The following CCDC191 variants were observed in gnomAD, a reference collection of about 807,000 sequenced individuals.
CCDC191 encodes the protein coiled-coil domain-containing protein 191.
A neutral mutation model predicts 114.0 loss-of-function variants in CCDC191; 99 were observed. That is an observed-to-expected ratio of 0.87 (90% confidence interval 0.74 to 1.03). CCDC191 has a LOEUF of 1.03. Ranked by LOEUF, CCDC191 falls within the 50% of genes least tolerant of loss-of-function variation. The pLI is 0.00. For missense variants in CCDC191, 973 were observed against 1,087.0 expected, an observed-to-expected ratio of 0.90 and a Z score of 1.47; for synonymous variants, 351 against 376.0, an observed-to-expected ratio of 0.93 and a Z score of 0.77.
chr3:113,978,499 A>G (rs1367259279), intron 15 of CCDC191, 168 bp from the exon 16 acceptor site: 4 of 681,360 alleles, frequency 5.9e-6, no homozygotes, highest in Non-Finnish European at 9.6e-6. Context: ...TCTATAATGT[A>G]TCCTAAAAAT....
chr3:113,985,835 C>T (rs1466421789), intron 13 of CCDC191, among the ~76,000 whole-genome samples: 3 of 152,166 alleles, frequency 2.0e-5, no homozygotes, highest in Non-Finnish European at 4.4e-5. Context: ...AGCCCAATTC[C>T]CGGCTAAATT....
intron 13 of CCDC191, among the ~76,000 whole-genome samples, chr3:114,000,022 T>C (rs148262017): frequency 6.6e-6 from 1 of 152,314 alleles, no homozygotes; most frequent in Non-Finnish European, 1.5e-5. Flanking sequence ...GCAGATTAAC[T>C]ACGGTTTAAG....
At chr3:113,976,419 C>CT (rs1421790814) in intron 16 of CCDC191, among the ~76,000 whole-genome samples, 1 of 151,912 alleles carries the variant, frequency 6.6e-6, no homozygotes, top group Admixed American at 6.6e-5. Context: ...ATCTTTATAC[C>CT]TTGACAATTC....
intron 13 of CCDC191, among the ~76,000 whole-genome samples, chr3:113,991,884 T>C (rs2075578329): frequency 1.3e-5 from 2 of 152,082 alleles, no homozygotes; most frequent in Admixed American, 1.3e-4. Context: ...AAATGGAATA[T>C]GAAAGTTTAA....
intron 13 of CCDC191, among the ~76,000 whole-genome samples, chr3:113,986,722 G>T (rs867441552): frequency 6.6e-6 from 1 of 152,112 alleles, no homozygotes; most frequent in South Asian, 2.1e-4. Context: ...TGGGGTCCTA[G>T]GGTGCAGCCC....
chr3:113,988,870 T>C (rs562105809), intron 13 of CCDC191, among the ~76,000 whole-genome samples: 2 of 152,108 alleles, frequency 1.3e-5, no homozygotes, highest in South Asian at 4.2e-4. Context: ...CTCGGCTCAC[T>C]GCAAGCTCCG....
chr3:114,009,533 A>G (rs1328056656), intron 9 of CCDC191, among the ~76,000 whole-genome samples: 1 of 152,182 alleles, frequency 6.6e-6, no homozygotes, highest in East Asian at 1.9e-4. Flanking sequence ...AAGATCATCA[A>G]GAAGTCACTA....
intron 1 of CCDC191, among the ~76,000 whole-genome samples, chr3:114,054,827 A>C (rs1280849338): frequency 6.6e-6 from 1 of 152,168 alleles, no homozygotes; most frequent in Non-Finnish European, 1.5e-5. Context: ...AAACTCCCAG[A>C]AGCTTGCAGA....
At chr3:114,021,800 C>A (rs997812862) in intron 7 of CCDC191, among the ~76,000 whole-genome samples, 4 of 152,036 alleles carry the variant, frequency 2.6e-5, no homozygotes, top group Non-Finnish European at 5.9e-5. Flanking sequence ...GATTTAAAAC[C>A]ACAACTGGGT....
chr3:114,003,730 C>A (rs954722717), intron 11 of CCDC191: 13 of 985,236 alleles, frequency 1.3e-5, no homozygotes, highest in Non-Finnish European at 1.6e-5. Context: ...GCAAAGACTG[C>A]CAATTTCTTC....
chr3:114,006,482 T>C (rs911880256), intron 9 of CCDC191, among the ~76,000 whole-genome samples: 1 of 151,008 alleles, frequency 6.6e-6, no homozygotes, highest in Non-Finnish European at 1.5e-5. Flanking sequence ...TGGCTACAGC[T>C]GTATGAACCA....
At chr3:113,971,652 TG>T (rs1940832678) in intron 16 of CCDC191, among the ~76,000 whole-genome samples, 1 of 152,188 alleles carries the variant, frequency 6.6e-6, no homozygotes, top group Non-Finnish European at 1.5e-5. Flanking sequence ...ATCATGTCCT[TG>T]TTTGGTTTTG....
intron 13 of CCDC191, among the ~76,000 whole-genome samples, chr3:113,981,539 A>G (rs1472826035): frequency 6.6e-6 from 1 of 152,220 alleles, no homozygotes; most frequent in Non-Finnish European, 1.5e-5. Flanking sequence ...ACCTGCAGTG[A>G]AAGACACAAG....
chr3:114,002,996 A>G (rs1204006101), intron 11 of CCDC191: 1 of 985,168 alleles, frequency 1.0e-6, no homozygotes, highest in African/African-American at 1.7e-5. Flanking sequence ...ATGTCTGTAT[A>G]TATAAGAATA....
Position 114,036,719 on chromosome 3 carries a change from G to A in CCDC191, c.483C>T (p.Leu161=), listed in dbSNP as rs367564103. 6.3e-7 allele frequency: 1 copy of A among 1,593,720 alleles called. No individual in the cohort carries two copies. The highest frequency in any genetic ancestry group is 1.7e-5 in the Admixed American group (1 of 58,518). The part of the protein sequence containing the change: ...TTVQKFIDHL[L]HKNVVDSAMM... ...TTGCAGAATCTACCACATTTTTATGGAGCAGATGGTCTATAAATTTTTGAA... is the reference window on the plus strand; with the variant it reads ...TTGCAGAATCTACCACATTTTTATGAAGCAGATGGTCTATAAATTTTTGAA... The change falls in exon 5 of 17, where the codon CTC becomes CTT. Residue 161 remains leucine, a synonymous_variant. Transcript: ENST00000295878.
chr3:114,046,409 G>A (rs1017313601), intron 3 of CCDC191, among the ~76,000 whole-genome samples, 182 bp downstream of exon 3: 1 of 152,158 alleles, frequency 6.6e-6, no homozygotes, highest in African/African-American at 2.4e-5. Context: ...AACAAAATGA[G>A]GCTTAAGTAT....
At chr3:113,968,541 T>C (rs1413753055) in intron 16 of CCDC191, among the ~76,000 whole-genome samples, 1 of 151,584 alleles carries the variant, frequency 6.6e-6, no homozygotes, top group East Asian at 1.9e-4. Context: ...CTTCACCTCC[T>C]GGACTCAAGA....
intron 4 of CCDC191, among the ~76,000 whole-genome samples, chr3:114,041,884 T>C (rs1027308360): frequency 3.3e-5 from 5 of 151,756 alleles, no homozygotes; most frequent in African/African-American, 1.2e-4. Context: ...CTGTGCACAG[T>C]AGTGGTTTTT....
At chr3:113,995,216 T>G (rs1345479835) in intron 13 of CCDC191, among the ~76,000 whole-genome samples, 3 of 152,202 alleles carry the variant, frequency 2.0e-5, no homozygotes, top group Non-Finnish European at 4.4e-5. Flanking sequence ...GGGTACAATG[T>G]TCACTATTTG....
Sources: allele counts gnomAD v4.1 joint callset (sites outside exome capture counted in the v4.1 genomes callset), GRCh38; gene constraint gnomAD v4.1.1; transcripts MANE v1.5; gene names NCBI Gene and HGNC (gene_info 2026-07-23, HGNC 2026-07-21).